Variants in CCDC181 observed in about 807,000 individuals in gnomAD.
CCDC181 encodes coiled-coil domain-containing protein 181.
CCDC181 carries 35 observed loss-of-function variants against 58.7 expected under a neutral mutation model. The observed-to-expected ratio is 0.60, with a 90% confidence interval of 0.46 to 0.79. CCDC181 has a LOEUF of 0.79. Among genes scored for constraint, CCDC181 ranks in the 30% least tolerant of loss-of-function variants. CCDC181 has a pLI of 0.00. For synonymous variants in CCDC181, 183 were observed against 197.5 expected (o/e 0.93, Z 0.62); for missense variants, 517 against 583.9 (o/e 0.89, Z 1.18).
At chr1:169,450,610 T>G (rs1272890126) in intron 2 of CCDC181, among the ~76,000 whole-genome samples, 1 of 152,234 alleles carries the variant, frequency 6.6e-6, no homozygotes, top group East Asian at 1.9e-4. Context: ...ATTATTGCTA[T>G]AAGAATGTGC....
chr1:169,421,329 CTACTTT>C, intron 3 of CCDC181, 28 bp downstream of exon 3: 1 of 1,476,192 alleles, frequency 6.8e-7, no homozygotes, highest in Non-Finnish European at 9.2e-7. Flanking sequence ...AAAACATACT[CTACTTT>C]TAATATAATG....
rs10489186 is a variant in CCDC181 at position 169,422,736 on chromosome 1, G to C, written c.118-423C>G. ...AGCTTTCTCCCCAGACCATTTCAAG[G>C]ATGAATTATTTGGTCAGGTCCTAAT... On this transcript the variant is annotated intron_variant, in intron 2 of 5. Coordinates refer to ENST00000367806, the MANE Select transcript of CCDC181 (RefSeq NM_001300969.2). Among the ~76,000 whole-genome samples, 1,335 of 151,946 alleles carry C rather than the reference G, an allele frequency of 8.8e-3. 20 individuals are homozygous for C. The highest frequency in any genetic ancestry group is 0.03 in the African/African-American group (1,254 of 41,450).
At chr1:169,424,601 C>T (rs1238707798) in intron 2 of CCDC181, among the ~76,000 whole-genome samples, 1 of 151,688 alleles carries the variant, frequency 6.6e-6, no homozygotes, top group East Asian at 1.9e-4. Context: ...AATAACTGTT[C>T]TCTCACTAAC....
chr1:169,442,019 A>T (rs1447261686), intron 2 of CCDC181, among the ~76,000 whole-genome samples: 5 of 152,148 alleles, frequency 3.3e-5, no homozygotes, highest in African/African-American at 9.6e-5. Context: ...AGAGAACAGT[A>T]TAAAGTTGGG....
chr1:169,400,033 G>C (rs1655250225), intron 4 of CCDC181, among the ~76,000 whole-genome samples: 1 of 152,188 alleles, frequency 6.6e-6, no homozygotes, highest in African/African-American at 2.4e-5. Flanking sequence ...TCTTGGCAAG[G>C]CCTGGGCTGC....
chr1:169,418,657 C>A, intron 4 of CCDC181: 16 of 228,530 alleles, frequency 7.0e-5, no homozygotes, highest in Middle Eastern at 1.4e-3. Context: ...TAAAGATTTA[C>A]ATAATATTTC....
intron 4 of CCDC181, among the ~76,000 whole-genome samples, chr1:169,403,141 G>T (rs537881970): frequency 6.6e-6 from 1 of 152,134 alleles, no homozygotes; most frequent in South Asian, 2.1e-4. Context: ...ACCCAATACA[G>T]GAGCACCCAG....
intron 2 of CCDC181, among the ~76,000 whole-genome samples, chr1:169,424,181 G>A (rs1467755252): frequency 2.0e-5 from 3 of 151,762 alleles, no homozygotes; most frequent in African/African-American, 4.8e-5. Context: ...CACATGTAAA[G>A]AGAGAGAGAA....
chr1:169,403,975 G>A (rs1386897342), intron 4 of CCDC181, among the ~76,000 whole-genome samples: 2 of 151,972 alleles, frequency 1.3e-5, no homozygotes, highest in Non-Finnish European at 2.9e-5. Flanking sequence ...ATTGATAAAG[G>A]GGATATCACC....
chr1:169,400,910 T>C (rs867062401), intron 4 of CCDC181, among the ~76,000 whole-genome samples: 2 of 152,144 alleles, frequency 1.3e-5, no homozygotes, highest in African/African-American at 2.4e-5. Flanking sequence ...CAAGGGAAGC[T>C]ATGACAGATG....
intron 2 of CCDC181, among the ~76,000 whole-genome samples, chr1:169,437,417 G>A (rs148907929): frequency 6.6e-6 from 1 of 152,318 alleles, no homozygotes; most frequent in East Asian, 1.9e-4. Context: ...TTTGGGAAAG[G>A]GATAAACTAT....
intron 4 of CCDC181, among the ~76,000 whole-genome samples, chr1:169,401,742 C>G (rs541631963): frequency 3.9e-5 from 6 of 152,152 alleles, no homozygotes; most frequent in Non-Finnish European, 8.8e-5. Flanking sequence ...ATCAGAGTGC[C>G]TCTTCTCCAA....
exon 1 of CCDC181, chr1:169,460,636 T>G (rs1307240127): frequency 1.3e-5 from 2 of 152,418 alleles, no homozygotes; most frequent in African/African-American, 4.8e-5. Flanking sequence ...GCTCCAGGTT[T>G]TCTGTCTCAC....
At chr1:169,457,651 C>T (rs530978297) in intron 2 of CCDC181, among the ~76,000 whole-genome samples, 2 of 152,204 alleles carry the variant, frequency 1.3e-5, no homozygotes, top group African/African-American at 4.8e-5. Context: ...GTAATTTCTT[C>T]AGTTTTACTT....
intron 4 of CCDC181, among the ~76,000 whole-genome samples, chr1:169,407,751 G>T (rs1204845325): frequency 1.3e-5 from 2 of 152,194 alleles, no homozygotes; most frequent in African/African-American, 2.4e-5. Flanking sequence ...ACTAGGACTG[G>T]TTAGACAGTG....
rs1654941408 is a variant in CCDC181 at position 169,395,148 on chromosome 1, TTCTC to T, written c.1425_1428del (p.Arg476LeufsTer6). ...TTAGCTTCTAGTCGGAGCTGTCTAG[TTCTC>T]TCTCTGACAGCTTGTTGCTCTGCCA... is the stretch of plus-strand genomic sequence containing the variant. On this transcript the variant is annotated frameshift_variant, in exon 6 of 6. Transcript: ENST00000367806. LOFTEE classifies it high-confidence loss of function. 1 of 1,613,580 alleles carries T rather than the reference TTCTC, an allele frequency of 6.2e-7. No individual in the cohort carries two copies. The highest frequency in any genetic ancestry group is 1.1e-5 in the South Asian group (1 of 90,988).
At position 169,424,894 on chromosome 1, in the gene CCDC181, T is replaced by A; in HGVS notation, c.34A>T (p.Ser12Cys). ...TCAAAGTCATCTTCGTATTCTTCACTTTTCTTTGAATCAGTATCTTTATTT... is the reference window on the plus strand; with the variant it reads ...TCAAAGTCATCTTCGTATTCTTCACATTTCTTTGAATCAGTATCTTTATTT... Reference protein sequence around the residue: ...NENKDTDSKKSEEYEDDFEKD... With the variant: ...NENKDTDSKKCEEYEDDFEKD... The change falls in exon 2 of 6, where the codon AGT becomes TGT. Residue 12 changes from serine (S) to cysteine (C), a missense_variant. Ser to Cys is a moderately radical substitution (Grantham distance 112). Transcript: ENST00000367806. The A allele has an allele frequency of 6.2e-7, 1 of 1,604,182 alleles. No homozygotes were observed. The highest frequency in any genetic ancestry group is 8.5e-7 in the Non-Finnish European group (1 of 1,172,278).
chr1:169,447,497 C>A (rs1657409296), intron 2 of CCDC181, among the ~76,000 whole-genome samples: 3 of 152,058 alleles, frequency 2.0e-5, no homozygotes, highest in African/African-American at 7.3e-5. Flanking sequence ...GTGTATTCTG[C>A]CATTGTGGAA....
intron 3 of CCDC181, among the ~76,000 whole-genome samples, chr1:169,420,838 A>G (rs4656678): frequency 0.27 from 40,340 of 152,114 alleles, 6,720 homozygotes; most frequent in Non-Finnish European, 0.38. Context: ...GGGATTCTAT[A>G]TGGCATTTTG....
Sources: gnomAD v4.1 joint callset for allele counts (sites outside exome capture counted in the v4.1 genomes callset) on GRCh38, gnomAD v4.1.1 for gene constraint, MANE v1.5 for transcripts, NCBI Gene and HGNC (gene_info 2026-07-23, HGNC 2026-07-21) for gene names.